The following ANKS1B variants were observed in gnomAD, a reference collection of about 807,000 sequenced individuals.
ANKS1B encodes ankyrin repeat and sterile alpha motif domain-containing protein 1B.
ANKS1B carries 36 observed loss-of-function variants against 148.3 expected under a neutral mutation model. The observed-to-expected ratio is 0.24, with a 90% CI of 0.19 to 0.32. The LOEUF is 0.32. Among genes scored for constraint, ANKS1B ranks in the 10% least tolerant of loss-of-function variants. The probability of loss-of-function intolerance (pLI) is 1.00; values close to 1 mark genes in which losing one functional copy is unlikely to be tolerated. For synonymous variants in ANKS1B, 542 were observed against 560.8 expected, an observed-to-expected ratio of 0.97 and a Z score of 0.47; for missense variants, 1,157 against 1,542.6, an observed-to-expected ratio of 0.75 and a Z score of 4.19.
chr12:99,584,699 G>C (rs1447975583), intron 9 of ANKS1B, among the ~76,000 whole-genome samples: 2 of 152,118 alleles, frequency 1.3e-5, no homozygotes, highest in Non-Finnish European at 2.9e-5. Context: ...ACAGGGGTGT[G>C]GAGGTCTCAC....
intron 9 of ANKS1B, among the ~76,000 whole-genome samples, chr12:99,654,205 A>ATGATACAGACATGTGGAAGACG (rs1389492202): frequency 6.6e-6 from 1 of 152,232 alleles, no homozygotes; most frequent in Admixed American, 6.5e-5. Context: ...TGATCAAATT[A>ATGATACAGACATGTGGAAGACG]TGATACAGAC....
intron 14 of ANKS1B, among the ~76,000 whole-genome samples, chr12:99,215,658 T>A (rs763181350): frequency 2.0e-5 from 3 of 152,242 alleles, no homozygotes; most frequent in Non-Finnish European, 4.4e-5. Context: ...CTATTGGATT[T>A]TGGACTTGCA....
At chr12:99,563,631 A>G (rs545575957) in intron 9 of ANKS1B, among the ~76,000 whole-genome samples, 27 of 152,332 alleles carry the variant, frequency 1.8e-4, no homozygotes, top group African/African-American at 6.3e-4. Context: ...TAATAAAATG[A>G]AAAAGTTTGA....
At chr12:99,915,473 T>C (rs2094144979) in intron 1 of ANKS1B, among the ~76,000 whole-genome samples, 1 of 152,134 alleles carries the variant, frequency 6.6e-6, no homozygotes, top group Non-Finnish European at 1.5e-5. Context: ...ATTTAATTTG[T>C]AGCAAGGAAA....
At chr12:99,551,074 C>T (rs1013436475) in intron 9 of ANKS1B, among the ~76,000 whole-genome samples, 3 of 152,170 alleles carry the variant, frequency 2.0e-5, no homozygotes, top group Admixed American at 6.5e-5. Flanking sequence ...AATCCCTGAC[C>T]TCTATGTCCC....
intron 9 of ANKS1B, among the ~76,000 whole-genome samples, chr12:99,608,546 G>A (rs1479138731): frequency 1.3e-5 from 2 of 151,996 alleles, no homozygotes; most frequent in Non-Finnish European, 2.9e-5. Flanking sequence ...CCAGTAACTG[G>A]TCAACCACCA....
intron 17 of ANKS1B, among the ~76,000 whole-genome samples, chr12:98,858,056 T>C (rs1301455349): frequency 6.6e-6 from 1 of 152,226 alleles, no homozygotes; most frequent in East Asian, 1.9e-4. Context: ...CGATAATGTT[T>C]GTCGCACAGA....
intron 12 of ANKS1B, among the ~76,000 whole-genome samples, chr12:99,289,113 G>A (rs1387269184): frequency 1.3e-5 from 2 of 152,052 alleles, no homozygotes; most frequent in East Asian, 3.9e-4. Context: ...AAGGGCAGGA[G>A]TAGCTGTGCT....
chr12:99,375,412 T>TA (rs2093351226), intron 12 of ANKS1B, among the ~76,000 whole-genome samples: 2 of 152,220 alleles, frequency 1.3e-5, no homozygotes, highest in Non-Finnish European at 1.5e-5. Context: ...GTCCCTTTCT[T>TA]ACGTTGATTT....
At chr12:99,081,172 T>A (rs919592366) in intron 16 of ANKS1B, among the ~76,000 whole-genome samples, 10 of 152,184 alleles carry the variant, frequency 6.6e-5, no homozygotes, top group Non-Finnish European at 1.3e-4. Context: ...AGGAATAAAC[T>A]TTTTTCTTTG....
At chr12:99,965,523 A>G (rs2095474465) in intron 1 of ANKS1B, among the ~76,000 whole-genome samples, 1 of 152,228 alleles carries the variant, frequency 6.6e-6, no homozygotes, top group Admixed American at 6.5e-5. Context: ...ATCATAAGCA[A>G]GTGATTAAAA....
chr12:99,346,113 C>T (rs2090635906), intron 12 of ANKS1B, among the ~76,000 whole-genome samples: 1 of 151,898 alleles, frequency 6.6e-6, no homozygotes, highest in African/African-American at 2.4e-5. Flanking sequence ...CCAAAGATAT[C>T]CAATTTATTA....
At chr12:99,045,792 T>G (rs1256162800) in intron 17 of ANKS1B, among the ~76,000 whole-genome samples, 1 of 152,188 alleles carries the variant, frequency 6.6e-6, no homozygotes, top group Non-Finnish European at 1.5e-5. Context: ...GAGTTGCATT[T>G]GCCTGCAATT....
At chr12:99,353,990 T>A (rs1341049253) in intron 12 of ANKS1B, among the ~76,000 whole-genome samples, 1 of 152,096 alleles carries the variant, frequency 6.6e-6, no homozygotes, top group Non-Finnish European at 1.5e-5. Context: ...TCTATGTTTA[T>A]GCAAATTAAC....
In ANKS1B at chr12:99,757,319, T is replaced by C. The variant is rs145777090; in HGVS notation, c.1128+15603A>G. Among the ~76,000 whole-genome samples, 17 of 152,068 alleles carry C rather than the reference T, an allele frequency of 1.1e-4. No homozygotes were observed. The East Asian group carries it at 3.3e-3, about 29-fold the overall frequency. On this transcript the variant is annotated intron_variant, in intron 8 of 26. Transcript: ENST00000683438. ...CAGGCACTTCAAAAGAAGACATACA[T>C]GCAGCCAACAAGCATATGAAAAAAA...
At chr12:99,495,342 AGTGTGT>A (rs56107230) in intron 10 of ANKS1B, among the ~76,000 whole-genome samples, 112 of 145,394 alleles carry the variant, frequency 7.7e-4, no homozygotes, top group East Asian at 1.8e-3. Context: ...GGGGAGAAAA[AGTGTGT>A]GTGTGTGTGT....
At chr12:99,621,782 C>T (rs1049978263) in intron 9 of ANKS1B, among the ~76,000 whole-genome samples, 1 of 152,030 alleles carries the variant, frequency 6.6e-6, no homozygotes, top group Non-Finnish European at 1.5e-5. Flanking sequence ...TACAAAAAGA[C>T]TTAGACAGCC....
chr12:98,835,097 A>AATTATTATTATT lies in ANKS1B; in HGVS notation c.2779-2973_2779-2962dup, dbSNP rs72558205. Among the ~76,000 whole-genome samples, 1,398 of 148,950 alleles carry AATTATTATTATT rather than the reference A, an allele frequency of 9.4e-3. 12 individuals carry two copies. The highest frequency in any genetic ancestry group is 0.022 in the East Asian group (113 of 5,038). Reference sequence around the variant, plus strand: ...TTTTTTATAATAAAGACATTTGCTTAATTATTATTATTATTATTATTATTA... The same window carrying AATTATTATTATT: ...TTTTTTATAATAAAGACATTTGCTTAATTATTATTATTATTATTATTATTATTATTATTATTA... On this transcript the variant is annotated intron_variant, in intron 17 of 26. Coordinates refer to ENST00000683438, the MANE Select transcript of ANKS1B (RefSeq NM_001352186.2).
At chr12:99,828,746 G>A (rs1435689401) in intron 1 of ANKS1B, among the ~76,000 whole-genome samples, 4 of 152,084 alleles carry the variant, frequency 2.6e-5, no homozygotes, top group African/African-American at 7.2e-5. Flanking sequence ...GGTGGTTCTC[G>A]CCTGTAATCC....
Sources: gnomAD v4.1 joint callset for allele counts (sites outside exome capture counted in the v4.1 genomes callset) on GRCh38, gnomAD v4.1.1 for gene constraint, MANE v1.5 for transcripts, NCBI Gene and HGNC (gene_info 2026-07-23, HGNC 2026-07-21) for gene names.